GATA4: variants seen among roughly 807,000 people sequenced by gnomAD.
The protein encoded by GATA4 is GATA binding protein 4.
A neutral mutation model predicts 37.9 loss-of-function variants in GATA4; 7 were observed. The ratio of observed to expected loss-of-function variants is 0.18; its 90% confidence interval spans 0.11 to 0.35. The LOEUF (loss-of-function observed/expected upper bound fraction) is 0.35. Ranked by LOEUF, GATA4 falls within the 10% of genes least tolerant of loss-of-function variation. GATA4 has a pLI of 1.00. For missense variants in GATA4, 647 were observed against 653.0 expected, an observed-to-expected ratio of 0.99 and a Z score of 0.10; for synonymous variants, 372 against 292.6, an observed-to-expected ratio of 1.27 and a Z score of -2.77.
chr8:11,721,291 C>T (rs376947883), intron 2 of GATA4, among the ~76,000 whole-genome samples: 1 of 150,264 alleles, frequency 6.7e-6, no homozygotes, highest in East Asian at 2.0e-4. Flanking sequence ...CCATTCTGAG[C>T]CCAGGACTTA....
At chr8:11,697,775 C>T (rs887617953) in intron 1 of GATA4, 1 of 985,480 alleles carries the variant, frequency 1.0e-6, no homozygotes, top group Non-Finnish European at 1.2e-6. Context: ...GGCGTCTTCT[C>T]CAACTCCGGG....
chr8:11,756,861 G>A (rs1006512009), intron 5 of GATA4, 74 bp from the exon 6 acceptor site: 21 of 1,604,400 alleles, frequency 1.3e-5, no homozygotes, highest in Non-Finnish European at 1.6e-5. Context: ...ACCCATCCCG[G>A]CTGTCTCGCA....
At chr8:11,719,282 G>A (rs544625266) in intron 2 of GATA4, among the ~76,000 whole-genome samples, 13 of 151,656 alleles carry the variant, frequency 8.6e-5, no homozygotes, top group Non-Finnish European at 1.8e-4. Flanking sequence ...GGTAAAGACA[G>A]GCAATAATAC....
intron 2 of GATA4, among the ~76,000 whole-genome samples, chr8:11,719,944 G>A (rs1800594547): frequency 6.6e-6 from 1 of 152,164 alleles, no homozygotes; most frequent in Non-Finnish European, 1.5e-5. Flanking sequence ...GGTCCTTGAA[G>A]CGAGGTGCCC....
intron 1 of GATA4, among the ~76,000 whole-genome samples, chr8:11,678,824 C>T (rs1585536856): frequency 6.6e-6 from 1 of 152,134 alleles, no homozygotes; most frequent in African/African-American, 2.4e-5. Flanking sequence ...TTTCCTTTTT[C>T]TTCTAAGAAT....
At chr8:11,758,236 C>A in intron 6 of GATA4, 57 bp from the exon 7 acceptor site, 1 of 1,589,232 alleles carries the variant, frequency 6.3e-7, no homozygotes, top group Non-Finnish European at 8.6e-7. Flanking sequence ...CAGCCTAGAC[C>A]TCCCAAGCCC....
chr8:11,692,634 C>G (rs1238958587), exon 1 of GATA4: 1 of 985,122 alleles, frequency 1.0e-6, no homozygotes, highest in African/African-American at 1.7e-5. Context: ...CCCGCGGCCT[C>G]TGCGCCTCAG....
chr8:11,681,071 G>A, intron 1 of GATA4: 1 of 954,636 alleles, frequency 1.0e-6, no homozygotes, highest in Non-Finnish European at 1.2e-6. Flanking sequence ...CGGATTTGGA[G>A]GGACATTGAG....
chr8:11,739,290 T>C (rs921733550), intron 2 of GATA4, among the ~76,000 whole-genome samples: 2 of 152,260 alleles, frequency 1.3e-5, no homozygotes, highest in African/African-American at 2.4e-5. Context: ...CGTATGGCTT[T>C]GGTGAAACTT....
intron 1 of GATA4, among the ~76,000 whole-genome samples, chr8:11,682,603 T>G (rs1180187379): frequency 1.8e-5 from 1 of 54,202 alleles, no homozygotes; most frequent in Non-Finnish European, 6.8e-5. Context: ...GCTTTAACTC[T>G]TAAAAAAAAA....
upstream of GATA4, among the ~76,000 whole-genome samples, chr8:11,701,589 G>A (rs1799679046): frequency 6.6e-6 from 1 of 152,202 alleles, no homozygotes; most frequent in Non-Finnish European, 1.5e-5. Context: ...GAGGGAGGGG[G>A]CGAGCGGAGA....
At chr8:11,736,718 A>C (rs1801477221) in intron 2 of GATA4, among the ~76,000 whole-genome samples, 1 of 152,240 alleles carries the variant, frequency 6.6e-6, no homozygotes, top group Admixed American at 6.5e-5. Flanking sequence ...TCTTTGAAGA[A>C]AGAGTTCTGC....
intron 1 of GATA4, among the ~76,000 whole-genome samples, chr8:11,695,082 A>C (rs1255583265): frequency 6.6e-6 from 1 of 152,204 alleles, no homozygotes; most frequent in Non-Finnish European, 1.5e-5. Context: ...GTGACCTGCA[A>C]CTGAGCGTAA....
At chr8:11,739,281 G>C (rs757115582) in intron 2 of GATA4, among the ~76,000 whole-genome samples, 10 of 152,198 alleles carry the variant, frequency 6.6e-5, no homozygotes, top group Non-Finnish European at 1.2e-4. Context: ...TCCAATTTCC[G>C]TATGGCTTTG....
At position 11,719,483 on chromosome 8, in the gene GATA4, G is replaced by A. The variant is rs770803204; in HGVS notation, c.616+10555G>A. ...GGCAAAAATGGCTTCAGAGAAACAC[G>A]TAGTAATTTTTTTTCAAGTAGTATA... On this transcript the variant is annotated intron_variant, in intron 2 of 6. Coordinates refer to ENST00000532059, the MANE Select transcript of GATA4 (RefSeq NM_001308093.3). 9.9e-5 allele frequency among the ~76,000 whole-genome samples: 15 copies of A among 152,066 alleles called. No homozygotes were observed. In the East Asian group the frequency reaches 2.7e-3, roughly 27 times the overall value.
At chr8:11,716,175 C>G (rs1800424740) in intron 2 of GATA4, among the ~76,000 whole-genome samples, 1 of 152,246 alleles carries the variant, frequency 6.6e-6, no homozygotes, top group South Asian at 2.1e-4. Context: ...CTGCTATGAA[C>G]ATGGGTATGC....
intron 4 of GATA4, among the ~76,000 whole-genome samples, chr8:11,754,292 C>T (rs1484241372): frequency 2.0e-5 from 3 of 152,238 alleles, no homozygotes; most frequent in Non-Finnish European, 4.4e-5. Context: ...TCACGGCTTG[C>T]TGGAGCCTCG....
intron 1 of GATA4, chr8:11,680,649 C>A (rs1485452161): frequency 1.0e-6 from 1 of 985,244 alleles, no homozygotes; most frequent in African/African-American, 1.7e-5. Flanking sequence ...CTGCTGGGAA[C>A]GTGTCTCGGG....
At chr8:11,692,668 C>A (rs1473357000) in intron 1 of GATA4, 1 of 961,898 alleles carries the variant, frequency 1.0e-6, no homozygotes, top group African/African-American at 1.8e-5. Flanking sequence ...CGGGTGCGTG[C>A]GGGGGTGCGG....
Sources: allele counts gnomAD v4.1 joint callset (sites outside exome capture counted in the v4.1 genomes callset), GRCh38; gene constraint gnomAD v4.1.1; transcripts MANE v1.5; gene names NCBI Gene and HGNC (gene_info 2026-07-23, HGNC 2026-07-21).